The following IL18RAP variants were observed in gnomAD, a reference collection of about 807,000 sequenced individuals.
The protein encoded by IL18RAP is interleukin 18 receptor accessory protein, also known as interleukin-18 receptor accessory protein.
A neutral mutation model predicts 58.1 loss-of-function variants in IL18RAP; 37 were observed. That is an observed-to-expected ratio of 0.64 (90% CI 0.49 to 0.84). The LOEUF (loss-of-function observed/expected upper bound fraction) is 0.84. Among genes scored for constraint, IL18RAP ranks in the 40% least tolerant of loss-of-function variants. IL18RAP has a pLI of 0.00. For synonymous variants in IL18RAP, 268 were observed against 257.5 expected, an observed-to-expected ratio of 1.04 and a Z score of -0.39; for missense variants, 667 against 704.8, an observed-to-expected ratio of 0.95 and a Z score of 0.61.
At chr2:102,442,318 T>G (rs1216360272) in intron 5 of IL18RAP, among the ~76,000 whole-genome samples, 1 of 151,846 alleles carries the variant, frequency 6.6e-6, no homozygotes, top group Non-Finnish European at 1.5e-5. Flanking sequence ...TTATTATTAT[T>G]ATACTTTCTA....
upstream of IL18RAP, among the ~76,000 whole-genome samples, chr2:102,421,806 G>A (rs1220299832): frequency 6.6e-6 from 1 of 152,154 alleles, no homozygotes; most frequent in Non-Finnish European, 1.5e-5. Context: ...GGACAAAGTG[G>A]TCTGGGCAGA....
rs138292282 is a variant in IL18RAP, at chr2:102,447,427, C to T, written c.1210+220C>T. On this transcript the variant is annotated intron_variant, in intron 8 of 9. Coordinates refer to ENST00000687160, the MANE Select transcript of IL18RAP (RefSeq NM_001393487.1). The stretch of plus-strand genomic sequence containing the variant: ...AAGTCATGCCCCTGAGGTTTTGAGG[C>T]CTTCCTCCAGGTCTAGTGACCTTAC... Among the ~76,000 whole-genome samples, 33 of 152,258 alleles carry T rather than the reference C, an allele frequency of 2.2e-4. No homozygotes were observed. In the East Asian group the frequency reaches 6.4e-3, roughly 29 times the overall value.
At chr2:102,447,757 G>A (rs1033528494) in intron 8 of IL18RAP, among the ~76,000 whole-genome samples, 1 of 151,690 alleles carries the variant, frequency 6.6e-6, no homozygotes, top group African/African-American at 2.4e-5. Context: ...TTGAGATGGA[G>A]TCTTGCTCTG....
chr2:102,425,927 G>T (rs761053918), intron 3 of IL18RAP, among the ~76,000 whole-genome samples: 3 of 152,114 alleles, frequency 2.0e-5, no homozygotes, highest in Admixed American at 2.0e-4. Flanking sequence ...GACTGCAAAC[G>T]TCAACATGTG....
At chr2:102,425,948 A>G (rs1370938803) in intron 3 of IL18RAP, among the ~76,000 whole-genome samples, 1 of 152,218 alleles carries the variant, frequency 6.6e-6, no homozygotes, top group African/African-American at 2.4e-5. Context: ...TTTAATGGTG[A>G]ACAGGCAGCC....
intron 3 of IL18RAP, among the ~76,000 whole-genome samples, chr2:102,430,785 A>C (rs1682295271): frequency 6.6e-6 from 1 of 152,130 alleles, no homozygotes; most frequent in African/African-American, 2.4e-5. Flanking sequence ...TAGTTAAGCT[A>C]ATAACAACTT....
chr2:102,425,096 C>T lies in IL18RAP; in HGVS notation c.579+682C>T, dbSNP rs75355067. 4.7e-4 allele frequency among the ~76,000 whole-genome samples: 72 copies of T among 152,248 alleles called. 1 individual carries two copies. In the East Asian group the frequency reaches 0.012, roughly 25 times the overall value. On this transcript the variant is annotated intron_variant, in intron 3 of 9. Transcript: ENST00000687160. ...GCCTAACCATCTCCTCCAAAAGAGC[C>T]CCCTGTCAGTTGATTCTTGGGTGGT...
intron 3 of IL18RAP, among the ~76,000 whole-genome samples, chr2:102,425,273 A>G (rs1457807559): frequency 6.6e-6 from 1 of 152,230 alleles, no homozygotes; most frequent in East Asian, 1.9e-4. Context: ...ATTGCTACTG[A>G]TTAAAATCAG....
chr2:102,444,983 T>C (rs1683325502), intron 6 of IL18RAP, among the ~76,000 whole-genome samples: 1 of 152,212 alleles, frequency 6.6e-6, no homozygotes, highest in South Asian at 2.1e-4. Context: ...AAATAAATAA[T>C]GTCTTAGCGT....
chr2:102,423,429 G>A, intron 1 of IL18RAP, 82 bp downstream of exon 1: 2 of 1,130,852 alleles, frequency 1.8e-6, no homozygotes, highest in Non-Finnish European at 2.7e-6. Context: ...TATCAGCAGT[G>A]TGATATATTA....
intron 7 of IL18RAP, among the ~76,000 whole-genome samples, chr2:102,446,264 T>C (rs575320468): frequency 6.6e-6 from 1 of 152,346 alleles, no homozygotes; most frequent in African/African-American, 2.4e-5. Context: ...CTAGTGTTTA[T>C]TGTAAGACAG....
chr2:102,451,556 T>C (rs568153096), intron 9 of IL18RAP, among the ~76,000 whole-genome samples: 4 of 152,278 alleles, frequency 2.6e-5, no homozygotes, highest in South Asian at 2.1e-4. Context: ...AATTGCCAAT[T>C]TGGGGAGACT....
chr2:102,427,386 T>A (rs965159828), intron 3 of IL18RAP, among the ~76,000 whole-genome samples: 10 of 152,080 alleles, frequency 6.6e-5, no homozygotes, highest in Non-Finnish European at 1.3e-4. Context: ...GTACAACAGA[T>A]TAATTTTTTT....
intron 6 of IL18RAP, 25 bp downstream of exon 6, chr2:102,443,348 G>A: frequency 6.2e-7 from 1 of 1,607,926 alleles, no homozygotes; most frequent in Non-Finnish European, 8.5e-7. Context: ...CACGGATTCT[G>A]TTCTCTGCAA....
intron 1 of IL18RAP, 61 bp from the exon 2 acceptor site, chr2:102,423,750 T>A: frequency 5.9e-6 from 7 of 1,180,410 alleles, no homozygotes; most frequent in Middle Eastern, 2.0e-4. Context: ...TAGATGTAAA[T>A]ATAAGCTAGA....
intron 4 of IL18RAP, among the ~76,000 whole-genome samples, chr2:102,437,642 G>T (rs1394182660): frequency 1.3e-5 from 2 of 152,118 alleles, no homozygotes; most frequent in Admixed American, 6.5e-5. Context: ...TTCACACACA[G>T]AAATATTGTG....
intron 3 of IL18RAP, among the ~76,000 whole-genome samples, chr2:102,425,152 C>T (rs570243965): frequency 6.6e-6 from 1 of 152,260 alleles, no homozygotes; most frequent in African/African-American, 2.4e-5. Flanking sequence ...AAATCACTTC[C>T]TACAATTGCA....
rs1682796947 is a variant in IL18RAP at position 102,437,080 on chromosome 2, G to A, written c.580-132G>A. The A allele has an allele frequency of 4.0e-6, 3 of 753,362 alleles. No individual in the cohort carries two copies. In the South Asian group the frequency reaches 5.9e-5, roughly 15 times the overall value. 46.7% of individuals were successfully genotyped at this position (753,362 alleles called of 1,614,324 possible). ...AGTTTTTGAACACAATGTCTTCATA[G>A]CTTGTGAGATACCCTTATCTCAGAT... On this transcript the variant is annotated intron_variant, in intron 3 of 9. Transcript: ENST00000687160.
intron 5 of IL18RAP, among the ~76,000 whole-genome samples, chr2:102,442,745 ATTT>A (rs78796646): frequency 6.6e-6 from 1 of 152,034 alleles, no homozygotes; most frequent in Admixed American, 6.5e-5. Flanking sequence ...TATCGAAATA[ATTT>A]TTTTATTTAA....
Sources: gnomAD v4.1 joint callset for allele counts (sites outside exome capture counted in the v4.1 genomes callset) on GRCh38, gnomAD v4.1.1 for gene constraint, MANE v1.5 for transcripts, NCBI Gene and HGNC (gene_info 2026-07-23, HGNC 2026-07-21) for gene names.